The following POM121 variants were observed in gnomAD, a reference collection of about 807,000 sequenced individuals.
POM121 encodes POM121 transmembrane nucleoporin, also known as nuclear envelope pore membrane protein POM 121.
In POM121, 32 loss-of-function variants were observed where a neutral mutation model predicts 81.3. The ratio of observed to expected loss-of-function variants is 0.39; its 90% CI spans 0.30 to 0.53. The LOEUF (loss-of-function observed/expected upper bound fraction) is 0.53. Among genes scored for constraint, POM121 ranks in the 20% least tolerant of loss-of-function variants. The pLI, the probability that POM121 is intolerant of heterozygous loss-of-function variation, is 0.66. For synonymous variants in POM121, 514 were observed against 694.2 expected (o/e 0.74, Z 4.08); for missense variants, 1,138 against 1,614.6 (o/e 0.70, Z 5.06).
chr7:72,925,828 A>C (rs1210406838), intron 1 of POM121, 63 bp downstream of exon 1: 2 of 1,284,864 alleles, frequency 1.6e-6, no homozygotes, highest in Non-Finnish European at 2.0e-6. Flanking sequence ...CGAGGACTTG[A>C]CTTTTAAATC....
chr7:72,908,850 T>C (rs1257486669), intron 3 of POM121, among the ~76,000 whole-genome samples: 1 of 152,166 alleles, frequency 6.6e-6, no homozygotes, highest in East Asian at 1.9e-4. Context: ...AACATTACTG[T>C]TATCCTGTTC....
At chr7:72,905,182 T>A (rs1554493226) in intron 3 of POM121, among the ~76,000 whole-genome samples, 1 of 152,216 alleles carries the variant, frequency 6.6e-6, no homozygotes, top group Non-Finnish European at 1.5e-5. Context: ...ATACCTACTC[T>A]GCCATTTTTG....
intron 5 of POM121, among the ~76,000 whole-genome samples, chr7:72,934,040 C>A (rs1473015582): frequency 1.3e-5 from 2 of 151,982 alleles, no homozygotes. Context: ...AACTGGCAAT[C>A]ATTACTGAGA....
intron 3 of POM121, among the ~76,000 whole-genome samples, chr7:72,902,845 C>G (rs782795511): frequency 3.3e-5 from 5 of 152,140 alleles, no homozygotes; most frequent in Non-Finnish European, 7.4e-5. Flanking sequence ...ATGATATTTT[C>G]TATTTCTGTA....
At chr7:72,888,918 T>C (rs1370892583) in intron 1 of POM121, among the ~76,000 whole-genome samples, 4 of 152,130 alleles carry the variant, frequency 2.6e-5, no homozygotes, top group Middle Eastern at 3.2e-3. Context: ...GGATACAAGA[T>C]TTTTCTTCTT....
At chr7:72,899,520 CAA>C (rs1286388326) in intron 3 of POM121, among the ~76,000 whole-genome samples, 8 of 151,584 alleles carry the variant, frequency 5.3e-5, no homozygotes, top group Admixed American at 1.3e-4. Flanking sequence ...TGATTTCTCT[CAA>C]GAGCATTCAC....
At chr7:72,886,209 T>G (rs1487080617) in intron 1 of POM121, among the ~76,000 whole-genome samples, 5 of 152,018 alleles carry the variant, frequency 3.3e-5, no homozygotes, top group African/African-American at 1.2e-4. Context: ...AGTCTCACTC[T>G]GTCCCCCAGG....
chr7:72,924,672 C>G (rs782453460), upstream of POM121: 2 of 164,454 alleles, frequency 1.2e-5, no homozygotes, highest in Non-Finnish European at 2.6e-5. Flanking sequence ...CACCCGATAT[C>G]TGGGCCATGA....
Position 72,907,022 on chromosome 7 carries a change from C to T in POM121, c.-215-6743C>T, listed in dbSNP as rs535971230. On this transcript the variant is annotated intron_variant, in intron 3 of 15. Coordinates refer to the POM121 transcript ENST00000395270. ...AATTTTAGATGGGTTTTTATTATCT[C>T]TTTTCTAAGTTGTTCCCTCTGGGTT... 6.6e-5 allele frequency among the ~76,000 whole-genome samples: 10 copies of T among 152,232 alleles called. No homozygotes were observed. In the East Asian group the frequency reaches 1.5e-3, roughly 23 times the overall value.
rs1442288511 is a variant in POM121, at chr7:72,930,059, C to G, written c.1223C>G (p.Ser408Cys). 2 of 1,613,892 alleles carry G rather than the reference C, an allele frequency of 1.2e-6. No homozygotes were observed. The highest frequency in any genetic ancestry group is 1.3e-5 in the African/African-American group (1 of 74,942). The change falls in exon 5 of 13, where the codon TCC becomes TGC. Residue 408 changes from serine (S) to cysteine (C), a missense_variant. By Grantham distance (112) the Ser-to-Cys change is moderately radical. Around this residue, in one of 7 missense-constraint regions of POM121, gnomAD observed 646 missense variants for 633.5 expected, o/e 1.02. Transcript: ENST00000434423. ...GCTTACGCAAGTGGCATCCCTAGCT[C>G]CAGCCGCAATGCCATTACCAGTTCC... ...TGAYASGIPS[S>C]SRNAITSSYS...
At chr7:72,909,260 G>A (rs2129576165) in intron 3 of POM121, among the ~76,000 whole-genome samples, 1 of 152,158 alleles carries the variant, frequency 6.6e-6, no homozygotes, top group East Asian at 1.9e-4. Context: ...TACTTCTTGG[G>A]CCATTTATAA....
At chr7:72,924,148 A>G (rs1454653754), upstream of POM121, among the ~76,000 whole-genome samples, 7 of 149,546 alleles carry the variant, frequency 4.7e-5, no homozygotes, top group African/African-American at 1.5e-4. Context: ...GGGTTTCACC[A>G]TGTTAGCCAG....
At position 72,945,581 on chromosome 7, in the gene POM121, TC is replaced by T. The variant is rs1394314768; in HGVS notation, c.3530-3del. ...CTGGCCAGCTCTCTGTTCTCTTCATTCCAGGCACCGCCACCCCCACCTTTGG... is the reference window on the plus strand; with the variant it reads ...CTGGCCAGCTCTCTGTTCTCTTCATTCAGGCACCGCCACCCCCACCTTTGG... On this transcript the variant is annotated splice_polypyrimidine_tract_variant and splice_region_variant and intron_variant, in intron 11 of 12. Coordinates refer to ENST00000434423, the MANE Select transcript of POM121 (RefSeq NM_001387691.1). The T allele has an allele frequency of 6.2e-6, 10 of 1,613,174 alleles. No individual in the cohort carries two copies. The highest frequency in any genetic ancestry group is 1.3e-5 in the African/African-American group (1 of 74,864).
chr7:72,891,286 T>C (rs1791273636), intron 3 of POM121, among the ~76,000 whole-genome samples: 1 of 152,180 alleles, frequency 6.6e-6, no homozygotes, highest in South Asian at 2.1e-4. Context: ...TGATTTACAT[T>C]GGTAGGGATT....
Position 72,943,241 on chromosome 7 carries a change from G to C in POM121, c.3248G>C (p.Gly1083Ala). The part of the protein sequence containing the change: ...FGATTQTASS[G>A]SSSSVFGSTT... Reference sequence around the variant, plus strand: ...GCCACCACCCAGACCGCCAGCAGCGGGAGCAGCAGCTCGGTGTTTGGCAGC... The same window carrying C: ...GCCACCACCCAGACCGCCAGCAGCGCGAGCAGCAGCTCGGTGTTTGGCAGC... The change falls in exon 11 of 13, where the codon GGG becomes GCG. Residue 1083 changes from glycine (G) to alanine (A), a missense_variant. Physicochemically the swap from Gly to Ala is moderately conservative, Grantham distance 60. Transcript: ENST00000434423. 1 of 1,612,218 alleles carries C rather than the reference G, an allele frequency of 6.2e-7. No homozygotes were observed. Among genetic ancestry groups the C allele is most frequent in the East Asian group, 2.2e-5 (1 of 44,816 alleles).
intron 3 of POM121, among the ~76,000 whole-genome samples, chr7:72,902,486 TC>T (rs1186453099): frequency 6.6e-6 from 1 of 151,912 alleles, no homozygotes; most frequent in East Asian, 1.9e-4. Context: ...TCTATTTTTT[TC>T]CTTTTTTATT....
chr7:72,909,145 GTTC>G (rs1563143777), intron 3 of POM121, among the ~76,000 whole-genome samples: 1 of 152,218 alleles, frequency 6.6e-6, no homozygotes. Flanking sequence ...CACAATTTAT[GTTC>G]TTCTGCCATG....
intron 3 of POM121, among the ~76,000 whole-genome samples, chr7:72,902,721 G>C (rs1366655628): frequency 9.2e-5 from 14 of 151,996 alleles, no homozygotes; most frequent in Admixed American, 9.2e-4. Flanking sequence ...GTAGAGAGGG[G>C]GTTTCACCAT....
chr7:72,903,339 A>G (rs1483692805), intron 3 of POM121, among the ~76,000 whole-genome samples: 2 of 152,198 alleles, frequency 1.3e-5, no homozygotes, highest in African/African-American at 2.4e-5. Context: ...TGGGAGGTTA[A>G]GGAAGAGGAA....
Sources: gnomAD v4.1 joint callset for allele counts (sites outside exome capture counted in the v4.1 genomes callset) on GRCh38, gnomAD v4.1.1 for gene constraint, gnomAD v4.1.1 regional missense constraint, MANE v1.5 for transcripts, NCBI Gene and HGNC (gene_info 2026-07-23, HGNC 2026-07-21) for gene names.